Variants in OSBPL6 observed in about 807,000 individuals in gnomAD.
OSBPL6 encodes oxysterol-binding protein-related protein 6.
Under a neutral mutation model 125.8 loss-of-function variants are expected in OSBPL6, and 49 were observed. That is an observed-to-expected ratio of 0.39 (90% CI 0.31 to 0.49). OSBPL6 has a LOEUF of 0.49. Ranked by LOEUF, OSBPL6 falls within the 20% of genes least tolerant of loss-of-function variation. The pLI, the probability that OSBPL6 is intolerant of heterozygous loss-of-function variation, is 0.88. For synonymous variants in OSBPL6, 394 were observed against 391.8 expected (o/e 1.01, Z -0.07); for missense variants, 986 against 1,135.4 (o/e 0.87, Z 1.89).
chr2:178,330,086 G>A (rs1002202730), intron 5 of OSBPL6, among the ~76,000 whole-genome samples: 3 of 152,058 alleles, frequency 2.0e-5, no homozygotes, highest in African/African-American at 4.8e-5. Flanking sequence ...TTCGCCAATT[G>A]GCCATCCTCC....
intron 3 of OSBPL6, among the ~76,000 whole-genome samples, chr2:178,320,076 A>G (rs1688103067): frequency 6.6e-6 from 1 of 152,214 alleles, no homozygotes; most frequent in African/African-American, 2.4e-5. Flanking sequence ...AAGTAAGTAA[A>G]TGACAAGATC....
chr2:178,239,560 G>T (rs1456293132), intron 1 of OSBPL6, among the ~76,000 whole-genome samples: 1 of 151,402 alleles, frequency 6.6e-6, no homozygotes, highest in Non-Finnish European at 1.5e-5. Flanking sequence ...TGAGACCCCT[G>T]TTCTAAGATA....
chr2:178,263,889 A>G (rs532054897), intron 1 of OSBPL6, among the ~76,000 whole-genome samples: 3 of 152,028 alleles, frequency 2.0e-5, no homozygotes, highest in Non-Finnish European at 4.4e-5. Context: ...AATGATGATG[A>G]TAAATTTAAA....
intron 1 of OSBPL6, among the ~76,000 whole-genome samples, chr2:178,252,114 A>G (rs1173253611): frequency 4.7e-5 from 4 of 85,584 alleles, no homozygotes; most frequent in South Asian, 7.2e-4. Context: ...ATTTTCTTAA[A>G]TTGTTGCCAA....
intron 8 of OSBPL6, among the ~76,000 whole-genome samples, chr2:178,335,393 G>A (rs1354050445): frequency 6.6e-6 from 1 of 152,088 alleles, no homozygotes; most frequent in Non-Finnish European, 1.5e-5. Flanking sequence ...TCTAAGATCT[G>A]CTTGGTGAAA....
At chr2:178,228,305 G>A (rs1375509208) in intron 1 of OSBPL6, among the ~76,000 whole-genome samples, 1 of 152,214 alleles carries the variant, frequency 6.6e-6, no homozygotes, top group Non-Finnish European at 1.5e-5. Context: ...GGAGGCCAAG[G>A]TGGGCATATC....
intron 1 of OSBPL6, among the ~76,000 whole-genome samples, chr2:178,196,509 A>G (rs1223221419): frequency 1.3e-5 from 2 of 152,164 alleles, no homozygotes; most frequent in African/African-American, 2.4e-5. Context: ...TGGCTTTAGT[A>G]TGAGGTAGTT....
chr2:178,223,679 A>G (rs950010576), intron 1 of OSBPL6, among the ~76,000 whole-genome samples: 4 of 152,232 alleles, frequency 2.6e-5, no homozygotes, highest in African/African-American at 9.6e-5. Context: ...ATTGGATTCC[A>G]TTTGGTTGGG....
At chr2:178,249,424 TGATTTTCACTAG>T (rs1246747829) in intron 1 of OSBPL6, among the ~76,000 whole-genome samples, 6 of 152,208 alleles carry the variant, frequency 3.9e-5, no homozygotes, top group African/African-American at 1.4e-4. Flanking sequence ...CTCCTATTGT[TGATTTTCACTAG>T]GATTTTCACT....
intron 1 of OSBPL6, among the ~76,000 whole-genome samples, chr2:178,277,513 T>G (rs891446372): frequency 8.5e-5 from 13 of 152,240 alleles, no homozygotes; most frequent in African/African-American, 2.9e-4. Context: ...CTAAGTTATA[T>G]GCAAACAAAA....
intron 1 of OSBPL6, among the ~76,000 whole-genome samples, chr2:178,252,491 A>C (rs2091731814): frequency 6.6e-6 from 1 of 151,682 alleles, no homozygotes; most frequent in Admixed American, 6.5e-5. Context: ...TAATTGCCCA[A>C]ACCAAAACAT....
intron 1 of OSBPL6, among the ~76,000 whole-genome samples, chr2:178,255,302 C>T (rs1025976299): frequency 4.6e-5 from 7 of 152,152 alleles, no homozygotes; most frequent in African/African-American, 7.2e-5. Flanking sequence ...GGCGAGACTC[C>T]GTCTCAAAAA....
intron 1 of OSBPL6, among the ~76,000 whole-genome samples, chr2:178,253,684 T>C (rs2091776892): frequency 6.6e-6 from 1 of 152,244 alleles, no homozygotes; most frequent in African/African-American, 2.4e-5. Flanking sequence ...AATATAACAA[T>C]ATGCTTTTTA....
At chr2:178,198,862 C>T (rs2089072696) in intron 1 of OSBPL6, among the ~76,000 whole-genome samples, 1 of 151,990 alleles carries the variant, frequency 6.6e-6, no homozygotes, top group South Asian at 2.1e-4. Context: ...AAATAGTACC[C>T]CCAAAGGTAC....
chr2:178,321,059 G>T (rs1285057121), intron 3 of OSBPL6, among the ~76,000 whole-genome samples: 2 of 152,182 alleles, frequency 1.3e-5, no homozygotes, highest in African/African-American at 4.8e-5. Flanking sequence ...GCTGAGGCAG[G>T]AGAATCTCTT....
At chr2:178,345,046 A>G (rs1690573671) in intron 11 of OSBPL6, among the ~76,000 whole-genome samples, 1 of 152,202 alleles carries the variant, frequency 6.6e-6, no homozygotes, top group South Asian at 2.1e-4. Context: ...ATCGAGGTAG[A>G]TAAGGCAAAT....
chr2:178,340,712 A>G (rs988883352), intron 11 of OSBPL6, among the ~76,000 whole-genome samples: 2 of 152,192 alleles, frequency 1.3e-5, no homozygotes, highest in African/African-American at 4.8e-5. Flanking sequence ...ACAAAGGTAG[A>G]AAGAAGTACT....
At chr2:178,289,268 G>A (rs968733047) in intron 2 of OSBPL6, among the ~76,000 whole-genome samples, 2 of 151,906 alleles carry the variant, frequency 1.3e-5, no homozygotes, top group Non-Finnish European at 1.5e-5. Context: ...CACCCGCCTC[G>A]GCCTCCCAGA....
rs1156975407 is a variant in OSBPL6 at position 178,401,533 on chromosome 2, T to G, written c.*5974T>G. On this transcript the variant is annotated 3_prime_UTR_variant, in exon 25 of 25. Coordinates refer to ENST00000190611, the MANE Select transcript of OSBPL6 (RefSeq NM_032523.4). ...AAGTTTGCTCAAAAGTAGAAAACTT[T>G]CCAGACAAGATCACATACAAAATGG... 1 of 152,156 alleles carries G rather than the reference T, an allele frequency of 6.6e-6. No homozygotes were observed. The highest frequency in any genetic ancestry group is 6.5e-5 in the Admixed American group (1 of 15,274). The allele number at this position is 152,156 out of a possible 1,614,324, so 9.4% of individuals were successfully genotyped here.
Sources: gnomAD v4.1 joint callset for allele counts (sites outside exome capture counted in the v4.1 genomes callset) on GRCh38, gnomAD v4.1.1 for gene constraint, MANE v1.5 for transcripts, NCBI Gene and HGNC (gene_info 2026-07-23, HGNC 2026-07-21) for gene names.